Variants in DAB1 observed in about 807,000 individuals in gnomAD.
DAB1 encodes disabled homolog 1.
DAB1 carries 15 observed loss-of-function variants against 64.6 expected under a neutral mutation model. The ratio of observed to expected loss-of-function variants is 0.23; its 90% CI spans 0.16 to 0.36. The LOEUF is 0.36. Ranked by LOEUF, DAB1 falls within the 10% of genes least tolerant of loss-of-function variation. The probability of loss-of-function intolerance (pLI) is 1.00; values close to 1 mark genes in which losing one functional copy is unlikely to be tolerated. For synonymous variants in DAB1, 235 were observed against 251.9 expected, an observed-to-expected ratio of 0.93 and a Z score of 0.64; for missense variants, 596 against 706.7, an observed-to-expected ratio of 0.84 and a Z score of 1.78.
chr1:58,492,175 A>G (rs1194716221), intron 3 of DAB1, among the ~76,000 whole-genome samples: 5 of 152,260 alleles, frequency 3.3e-5, no homozygotes, highest in African/African-American at 1.2e-4. Context: ...CTGGGTACAT[A>G]ACGAAATGAA....
chr1:58,461,436 G>A (rs1645241743), intron 3 of DAB1, among the ~76,000 whole-genome samples: 1 of 152,212 alleles, frequency 6.6e-6, no homozygotes, highest in African/African-American at 2.4e-5. Context: ...GGCAGGGGTA[G>A]CTAGAAGGGA....
intron 1 of DAB1, chr1:58,536,567 T>C (rs554597505): frequency 1.1e-5 from 10 of 872,876 alleles, no homozygotes; most frequent in Non-Finnish European, 2.0e-5. Context: ...CCAATAATAG[T>C]AGCTTGCTCC....
chr1:58,177,997 T>C (rs575328411), intron 4 of DAB1, among the ~76,000 whole-genome samples: 2 of 152,224 alleles, frequency 1.3e-5, no homozygotes, highest in East Asian at 1.9e-4. Context: ...CCCAGTGGGG[T>C]TGTAAAGCTC....
chr1:57,812,238 T>C (rs1161662790), intron 6 of DAB1, among the ~76,000 whole-genome samples: 1 of 150,628 alleles, frequency 6.6e-6, no homozygotes, highest in Non-Finnish European at 1.5e-5. Context: ...TCCATGGTCT[T>C]TCTTCTGGAA....
At chr1:57,260,864 T>C (rs197636) in intron 2 of DAB1, among the ~76,000 whole-genome samples, 100,493 of 152,020 alleles carry the variant, frequency 0.66, 33,436 homozygotes, top group East Asian at 0.85. Context: ...TGGTTTCTAC[T>C]GTAGAGCATG....
chr1:57,811,872 G>A (rs114297832), intron 6 of DAB1, among the ~76,000 whole-genome samples: 1,955 of 152,270 alleles, frequency 0.013, 41 homozygotes, highest in African/African-American at 0.045. Context: ...GCTGTTCTCA[G>A]GGCAGGGATA....
intron 4 of DAB1, among the ~76,000 whole-genome samples, chr1:58,201,652 C>T (rs1163121417): frequency 1.3e-5 from 2 of 152,186 alleles, no homozygotes; most frequent in East Asian, 3.9e-4. Context: ...AGAAAAAAGG[C>T]AAATTACCTT....
chr1:57,787,133 T>C (rs1275645601), intron 6 of DAB1, among the ~76,000 whole-genome samples: 1 of 152,150 alleles, frequency 6.6e-6, no homozygotes, highest in East Asian at 1.9e-4. Context: ...AAAATTCTAG[T>C]AGATATTTAA....
chr1:57,381,773 G>A (rs536812400), intron 1 of DAB1, among the ~76,000 whole-genome samples: 4 of 152,270 alleles, frequency 2.6e-5, no homozygotes, highest in African/African-American at 9.6e-5. Context: ...TAGGTTCTCT[G>A]CCCACATTCA....
intron 2 of DAB1, among the ~76,000 whole-genome samples, chr1:58,519,573 G>A (rs946888107): frequency 2.0e-5 from 3 of 151,642 alleles, no homozygotes; most frequent in Admixed American, 2.0e-4. Context: ...GAATACCTCT[G>A]ATGGAAAAAA....
intron 4 of DAB1, among the ~76,000 whole-genome samples, chr1:58,315,180 A>G (rs916980376): frequency 6.6e-6 from 1 of 152,238 alleles, no homozygotes; most frequent in African/African-American, 2.4e-5. Context: ...GCCTTGTCTC[A>G]TTGCACAGGA....
chr1:57,402,673 T>C (rs1052118281), intron 1 of DAB1, among the ~76,000 whole-genome samples: 1 of 152,218 alleles, frequency 6.6e-6, no homozygotes, highest in African/African-American at 2.4e-5. Flanking sequence ...TCACAATAGA[T>C]GTATCGATTT....
At chr1:57,436,253 A>G (rs1342221928) in intron 7 of DAB1, among the ~76,000 whole-genome samples, 1 of 152,080 alleles carries the variant, frequency 6.6e-6, no homozygotes, top group East Asian at 1.9e-4. Context: ...CTAGCTCAGT[A>G]AGTTTGTTTA....
intron 5 of DAB1, among the ~76,000 whole-genome samples, chr1:57,993,788 G>A (rs1181296873): frequency 1.3e-5 from 2 of 152,108 alleles, no homozygotes; most frequent in Non-Finnish European, 2.9e-5. Context: ...CTTATTCAAA[G>A]GTTTAGCTCG....
intron 11 of DAB1, among the ~76,000 whole-genome samples, chr1:57,016,628 A>G (rs1040938821): frequency 5.3e-5 from 8 of 151,894 alleles, no homozygotes; most frequent in Non-Finnish European, 1.0e-4. Flanking sequence ...TTGTCCACTC[A>G]GGGGCACCTC....
intron 4 of DAB1, among the ~76,000 whole-genome samples, chr1:58,231,605 G>A (rs1328560347): frequency 6.6e-6 from 1 of 152,198 alleles, no homozygotes; most frequent in Non-Finnish European, 1.5e-5. Flanking sequence ...CTGTGGGCTA[G>A]AGACCCCACA....
intron 7 of DAB1, among the ~76,000 whole-genome samples, chr1:57,452,956 G>T (rs1431263302): frequency 3.3e-5 from 5 of 150,114 alleles, no homozygotes; most frequent in African/African-American, 1.2e-4. Flanking sequence ...AAGGGAGGAA[G>T]ACAGAAAGGA....
chr1:58,303,832 G>A (rs995755034), intron 4 of DAB1, among the ~76,000 whole-genome samples: 15 of 152,128 alleles, frequency 9.9e-5, no homozygotes, highest in Admixed American at 9.8e-4. Context: ...CCCCTGTGGG[G>A]AATCTTTTTG....
intron 7 of DAB1, among the ~76,000 whole-genome samples, chr1:57,647,534 T>C (rs1283806694): frequency 6.6e-6 from 1 of 152,170 alleles, no homozygotes; most frequent in African/African-American, 2.4e-5. Flanking sequence ...TTCTTTGGCT[T>C]GCTGATTCAC....
Sources: allele counts gnomAD v4.1 joint callset (sites outside exome capture counted in the v4.1 genomes callset), GRCh38; gene constraint gnomAD v4.1.1; transcripts MANE v1.5; gene names NCBI Gene and HGNC (gene_info 2026-07-23, HGNC 2026-07-21).